Variants in RIMS1 observed in about 807,000 individuals in gnomAD.
RIMS1 encodes regulating synaptic membrane exocytosis protein 1.
Under a neutral mutation model 214.1 loss-of-function variants are expected in RIMS1, and 83 were observed. That is an observed-to-expected ratio of 0.39 (90% confidence interval 0.32 to 0.47). RIMS1 has a LOEUF of 0.47. Ranked by LOEUF, RIMS1 falls within the 20% of genes least tolerant of loss-of-function variation. The pLI is 0.99. For synonymous variants in RIMS1, 793 were observed against 786.8 expected, an observed-to-expected ratio of 1.01 and a Z score of -0.13; for missense variants, 2,050 against 2,161.8, an observed-to-expected ratio of 0.95 and a Z score of 1.03.
intron 28 of RIMS1, among the ~76,000 whole-genome samples, chr6:72,318,839 G>T (rs1048126508): frequency 6.6e-6 from 1 of 152,086 alleles, no homozygotes; most frequent in African/African-American, 2.4e-5. Flanking sequence ...TTCTCGTTTG[G>T]TTTTTGGCTA....
At chr6:72,397,928 A>T (rs2098798530) in intron 31 of RIMS1, among the ~76,000 whole-genome samples, 3 of 152,178 alleles carry the variant, frequency 2.0e-5, no homozygotes, top group Non-Finnish European at 2.9e-5. Context: ...ATTTTTTATT[A>T]TATACTGGAT....
intron 16 of RIMS1, among the ~76,000 whole-genome samples, chr6:72,256,771 T>C (rs911481987): frequency 2.6e-5 from 4 of 151,968 alleles, no homozygotes; most frequent in African/African-American, 7.2e-5. Flanking sequence ...CTTAATATTA[T>C]AATTTCTAGT....
chr6:72,371,255 T>TC (rs1408944218), intron 29 of RIMS1, among the ~76,000 whole-genome samples: 1 of 152,000 alleles, frequency 6.6e-6, no homozygotes, highest in African/African-American at 2.4e-5. Context: ...ATGTGTGACA[T>TC]CCCCCCAGCC....
intron 2 of RIMS1, among the ~76,000 whole-genome samples, chr6:72,064,697 TAA>T (rs57445711): frequency 3.3e-5 from 5 of 152,110 alleles, no homozygotes; most frequent in South Asian, 2.1e-4. Flanking sequence ...TGATGAAGTT[TAA>T]AAAAAAATGT....
At chr6:71,932,056 G>A (rs1783200517) in intron 1 of RIMS1, among the ~76,000 whole-genome samples, 1 of 152,080 alleles carries the variant, frequency 6.6e-6, no homozygotes, top group Non-Finnish European at 1.5e-5. Context: ...AACCATTGTG[G>A]AAGACAGAGT....
chr6:72,027,081 ATATAT>A (rs1337143666), intron 2 of RIMS1, among the ~76,000 whole-genome samples: 1 of 152,196 alleles, frequency 6.6e-6, no homozygotes, highest in East Asian at 1.9e-4. Context: ...AAATGTACTA[ATATAT>A]TAATATTGGC....
intron 4 of RIMS1, among the ~76,000 whole-genome samples, chr6:72,164,038 C>T (rs191042195): frequency 0.011 from 1,699 of 152,306 alleles, 10 homozygotes; most frequent in Non-Finnish European, 0.017. Context: ...GTGGGCTCCA[C>T]CCAGTTCGAG....
intron 23 of RIMS1, 93 bp downstream of exon 23, chr6:72,274,525 T>A: frequency 1.0e-6 from 1 of 953,092 alleles, no homozygotes; most frequent in Non-Finnish European, 1.7e-6. Context: ...GAATATGATG[T>A]ACTTTATTCC....
At chr6:72,095,116 A>ATTTTTTTTTTTTTT (rs71540328) in intron 2 of RIMS1, among the ~76,000 whole-genome samples, 57 of 98,898 alleles carry the variant, frequency 5.8e-4, no homozygotes, top group Non-Finnish European at 8.3e-4. Context: ...ACGCCCGACT[A>ATTTTTTTTTTTTTT]TTTTTTTTTT....
At chr6:72,207,770 CAAACAAAA>C (rs2053177591) in intron 6 of RIMS1, among the ~76,000 whole-genome samples, 1 of 151,938 alleles carries the variant, frequency 6.6e-6, no homozygotes, top group Non-Finnish European at 1.5e-5. Context: ...AACAAACAAA[CAAACAAAA>C]AAATTCTCCC....
In RIMS1 at chr6:71,939,545, A is replaced by G. The variant is rs184172601; in HGVS notation, c.165-29438A>G. ...GATAATTTATTAAAAATAGAGGTAT[A>G]TTTGCCTCACAATTCTGGAGGCTGG... is the stretch of plus-strand genomic sequence containing the variant. On this transcript the variant is annotated intron_variant, in intron 1 of 33. Transcript: ENST00000521978. Among the ~76,000 whole-genome samples the G allele has an allele frequency of 1.5e-4, 23 of 152,312 alleles. No homozygotes were observed. The East Asian group carries it at 3.9e-3, about 26-fold the overall frequency.
intron 4 of RIMS1, among the ~76,000 whole-genome samples, chr6:72,144,574 G>A (rs2042479369): frequency 6.6e-6 from 1 of 151,990 alleles, no homozygotes; most frequent in South Asian, 2.1e-4. Flanking sequence ...GCTAAGATTT[G>A]GGTGCATGGG....
chr6:71,900,399 A>T (rs142636405), intron 1 of RIMS1, among the ~76,000 whole-genome samples: 392 of 152,224 alleles, frequency 2.6e-3, no homozygotes, highest in Middle Eastern at 6.8e-3. Flanking sequence ...TTTAAGAGCC[A>T]AAGGGTTTTG....
At chr6:72,070,113 C>A (rs1830248494) in intron 2 of RIMS1, among the ~76,000 whole-genome samples, 1 of 151,992 alleles carries the variant, frequency 6.6e-6, no homozygotes, top group East Asian at 1.9e-4. Context: ...ACTTGAATAA[C>A]AAATATTCTA....
chr6:72,062,317 A>T (rs1828069515), intron 2 of RIMS1, among the ~76,000 whole-genome samples: 1 of 151,990 alleles, frequency 6.6e-6, no homozygotes, highest in Non-Finnish European at 1.5e-5. Context: ...GTTTATGTGC[A>T]CAAACTACTT....
intron 1 of RIMS1, among the ~76,000 whole-genome samples, chr6:71,916,101 A>T (rs1224450871): frequency 1.3e-5 from 2 of 152,096 alleles, no homozygotes; most frequent in Non-Finnish European, 2.9e-5. Flanking sequence ...CCATATCAGC[A>T]CTCTCAAATT....
chr6:71,902,163 G>T (rs1285361595), intron 1 of RIMS1, among the ~76,000 whole-genome samples: 1 of 152,062 alleles, frequency 6.6e-6, no homozygotes, highest in African/African-American at 2.4e-5. Flanking sequence ...AGTGTATTTT[G>T]TGACGGGAAA....
At chr6:72,040,264 G>A (rs1821070560) in intron 2 of RIMS1, among the ~76,000 whole-genome samples, 1 of 152,024 alleles carries the variant, frequency 6.6e-6, no homozygotes, top group Non-Finnish European at 1.5e-5. Context: ...TGGAAGACTA[G>A]TGAAGATAGA....
intron 1 of RIMS1, among the ~76,000 whole-genome samples, chr6:71,935,433 T>C (rs1211967490): frequency 6.6e-6 from 1 of 152,234 alleles, no homozygotes; most frequent in Admixed American, 6.5e-5. Context: ...TGTGTTGTTT[T>C]CATTTTGATA....
Sources: allele counts gnomAD v4.1 joint callset (sites outside exome capture counted in the v4.1 genomes callset), GRCh38; gene constraint gnomAD v4.1.1; transcripts MANE v1.5; gene names NCBI Gene and HGNC (gene_info 2026-07-23, HGNC 2026-07-21).